The following HAGH variants were observed in gnomAD, a reference collection of about 807,000 sequenced individuals.
HAGH encodes the protein hydroxyacylglutathione hydrolase, mitochondrial.
A neutral mutation model predicts 35.1 loss-of-function variants in HAGH; 29 were observed. The observed-to-expected ratio is 0.83, with a 90% CI of 0.62 to 1.13. HAGH has a LOEUF of 1.13. Ranked by LOEUF, HAGH falls within the 50% of genes most tolerant of loss-of-function variation. HAGH has a pLI of 0.00. For missense variants in HAGH, 478 were observed against 419.6 expected (o/e 1.14, Z -1.22); for synonymous variants, 225 against 176.1 (o/e 1.28, Z -2.20).
chr16:1,827,003 G>C (rs1236913766), upstream of HAGH: 9 of 668,398 alleles, frequency 1.3e-5, no homozygotes. Context: ...CGGCGGCGGC[G>C]GCCCGAGAGC....
chr16:1,817,558 C>G (rs1303045842), intron 5 of HAGH, among the ~76,000 whole-genome samples: 1 of 152,206 alleles, frequency 6.6e-6, no homozygotes, highest in African/African-American at 2.4e-5. Context: ...GAGACCCTCA[C>G]AAATCCAGCC....
chr16:1,809,504 G>T (rs557688841), intron 8 of HAGH, 122 bp from the exon 9 acceptor site: 3 of 787,134 alleles, frequency 3.8e-6, no homozygotes, highest in Non-Finnish European at 6.3e-6. Context: ...CACGGAGGGC[G>T]GGGAGGCGGC....
chr16:1,808,340 T>G lies in HAGH; in HGVS notation c.*943A>C, dbSNP rs548540590. The G allele has an allele frequency of 6.6e-6, 1 of 151,512 alleles. No individual in the cohort carries two copies. Among genetic ancestry groups the G allele is most frequent in the South Asian group, 2.1e-4 (1 of 4,764 alleles). 9.4% of individuals were successfully genotyped at this position (151,512 alleles called of 1,614,324 possible). A position where few individuals can be genotyped will look rare whatever the true frequency, so the allele number is the denominator to read the frequency against. ...TTTTGAGACAGAGTCTTGCTCTGTC[T>G]CCCAGGCTGGAGTGCAGTGGCGCTA... is the stretch of plus-strand genomic sequence containing the variant. On this transcript the variant is annotated 3_prime_UTR_variant, in exon 9 of 9. Coordinates refer to ENST00000397356, the MANE Select transcript of HAGH (RefSeq NM_005326.6).
In HAGH at chr16:1,826,797, C is replaced by T; in HGVS notation, c.-10G>A. The T allele has an allele frequency of 8.2e-7, 1 of 1,218,678 alleles. No individual in the cohort carries two copies. Among genetic ancestry groups the T allele is most frequent in the African/African-American group, 1.6e-5 (1 of 63,792 alleles). 75.5% of individuals were successfully genotyped at this position (1,218,678 alleles called of 1,614,324 possible). ...CTCGGCCCACCACCATGACCCGGGC[C>T]GGGCTGGACTGCCGAGCTGCCCAGG... On this transcript the variant is annotated 5_prime_UTR_variant, in exon 1 of 9. Coordinates refer to ENST00000397356, the MANE Select transcript of HAGH (RefSeq NM_005326.6).
intron 7 of HAGH, among the ~76,000 whole-genome samples, chr16:1,813,969 G>C (rs536459412): frequency 4.6e-5 from 7 of 152,304 alleles, no homozygotes; most frequent in African/African-American, 1.7e-4. Flanking sequence ...TCGACAGACA[G>C]CCCTGAACAC....
At chr16:1,821,401 G>C (rs1334014684) in intron 3 of HAGH, 1 of 152,328 alleles carries the variant, frequency 6.6e-6, no homozygotes, top group Non-Finnish European at 1.5e-5. Context: ...CCACAGCTGA[G>C]AGGCCCTAGG....
intron 3 of HAGH, chr16:1,821,569 G>A (rs1211868663): frequency 1.3e-5 from 2 of 152,342 alleles, no homozygotes; most frequent in East Asian, 3.9e-4. Flanking sequence ...CTAGAACCCA[G>A]ACAGGGCATT....
chr16:1,824,064 A>G (rs1898282265), intron 1 of HAGH, among the ~76,000 whole-genome samples: 1 of 152,130 alleles, frequency 6.6e-6, no homozygotes, highest in Admixed American at 6.5e-5. Context: ...CCTGCGTTCC[A>G]TGCAGTTACA....
At chr16:1,821,981 T>C (rs1169194686) in intron 3 of HAGH, 3 of 281,450 alleles carry the variant, frequency 1.1e-5, no homozygotes, top group African/African-American at 2.2e-5. Context: ...ACCACTCACC[T>C]GTAGACTCAT....
chr16:1,811,185 G>T (rs767541542), intron 7 of HAGH, among the ~76,000 whole-genome samples: 1 of 151,892 alleles, frequency 6.6e-6, no homozygotes, highest in Non-Finnish European at 1.5e-5. Flanking sequence ...AGGCCGAGGT[G>T]GGTGGATTGC....
chr16:1,816,405 C>A (rs150576288), intron 7 of HAGH, among the ~76,000 whole-genome samples: 1 of 152,080 alleles, frequency 6.6e-6, no homozygotes, highest in Non-Finnish European at 1.5e-5. Flanking sequence ...AGGGAGCCCA[C>A]GCCTGAGACC....
At position 1,825,056 on chromosome 16, in the gene HAGH, C is replaced by A. The variant is rs1742412; in HGVS notation, c.76+1656G>T. On this transcript the variant is annotated intron_variant, in intron 1 of 8. Transcript: ENST00000397356. ...AATACTGCCCACGTGCGGTGGCTCA[C>A]GCCTGTCATCCCAGCACTTTGGGAG... Among the ~76,000 whole-genome samples, 3 of 152,186 alleles carry A rather than the reference C, an allele frequency of 2.0e-5. No individual in the cohort carries two copies. The South Asian group carries it at 6.2e-4, about 32-fold the overall frequency.
intron 1 of HAGH, among the ~76,000 whole-genome samples, chr16:1,823,814 A>G (rs1164277371): frequency 1.3e-5 from 2 of 151,128 alleles, no homozygotes; most frequent in East Asian, 3.9e-4. Context: ...ACAGGAACTA[A>G]CTCATGCTCA....
In HAGH at chr16:1,809,337, G is replaced by A. The variant is rs772118629; in HGVS notation, c.873C>T (p.Thr291=). 2.5e-6 allele frequency: 4 copies of A among 1,613,586 alleles called. No homozygotes were observed. The highest frequency in any genetic ancestry group is 3.3e-5 in the Admixed American group (2 of 60,018). Residue 291 remains threonine (T), a synonymous_variant, in exon 9 of 9, where the codon ACC becomes ACT. Coordinates refer to ENST00000397356, the MANE Select transcript of HAGH (RefSeq NM_005326.6). ...QQHAGETDPV[T]TMRAVRREKD... is the part of the protein sequence containing the mutation. ...TCTCCCTGCGCACGGCCCGCATGGT[G>A]GTCACCGGGTCCGTCTCACCTGCGT... is the stretch of plus-strand genomic sequence containing the variant.
intron 5 of HAGH, 97 bp from the exon 6 acceptor site, chr16:1,817,368 C>T: frequency 1.2e-6 from 1 of 811,600 alleles, no homozygotes; most frequent in Non-Finnish European, 2.1e-6. Context: ...CCGGCAAGGC[C>T]CAGGCCCCGA....
intron 1 of HAGH, chr16:1,826,391 C>A: frequency 4.3e-6 from 1 of 232,178 alleles, no homozygotes; most frequent in Non-Finnish European, 7.0e-6. Flanking sequence ...GAGCCGCGCC[C>A]CAGGCTCTCC....
At chr16:1,820,114 C>T in intron 3 of HAGH, 100 bp from the exon 4 acceptor site, 1 of 763,050 alleles carries the variant, frequency 1.3e-6, no homozygotes, top group Non-Finnish European at 2.3e-6. Context: ...GCCTGCTGCT[C>T]TTAAACCCTA....
chr16:1,826,521 A>ACCCGCGGC, intron 1 of HAGH, 191 bp downstream of exon 1: 1 of 966,364 alleles, frequency 1.0e-6, no homozygotes, highest in Non-Finnish European at 1.2e-6. Context: ...CGCTTTCCGC[A>ACCCGCGGC]CCCGCGGCCC....
At position 1,819,115 on chromosome 16, in the gene HAGH, C is replaced by G. The variant is rs1372087702; in HGVS notation, c.541G>C (p.Gly181Arg). ...CCCCCACCCACACTCGAACACGCAC[C>G]TGTGAACACGGCAGGGGGCTCCGAG... ...GGSEPPAVFT[G>R]DTLFVAGCGK... The change falls in exon 5 of 9, where the codon GGT becomes CGT. Residue 181 changes from glycine to arginine, a missense_variant and splice_region_variant. Physicochemically the swap from Gly to Arg is moderately radical, Grantham distance 125. Transcript: ENST00000397356. 6.3e-7 allele frequency: 1 copy of G among 1,593,508 alleles called. No homozygotes were observed. The highest frequency in any genetic ancestry group is 1.1e-5 in the South Asian group (1 of 90,676).
Sources: allele counts gnomAD v4.1 joint callset (sites outside exome capture counted in the v4.1 genomes callset), GRCh38; gene constraint gnomAD v4.1.1; transcripts MANE v1.5; gene names NCBI Gene and HGNC (gene_info 2026-07-23, HGNC 2026-07-21).